Variants in CMKLR2 observed in about 807,000 individuals in gnomAD.
CMKLR2 encodes chemerin chemokine-like receptor 2, also known as chemerin-like receptor 2.
In CMKLR2, 18 loss-of-function variants were observed where a neutral mutation model predicts 23.0. The observed-to-expected ratio is 0.78, with a 90% confidence interval of 0.54 to 1.16. The LOEUF is 1.16. CMKLR2 is among the 50% of genes most tolerant of loss of function. The probability of loss-of-function intolerance (pLI) is 0.00; values close to 1 mark genes in which losing one functional copy is unlikely to be tolerated. For missense variants in CMKLR2, 401 were observed against 412.7 expected, an observed-to-expected ratio of 0.97 and a Z score of 0.25; for synonymous variants, 158 against 158.9, an observed-to-expected ratio of 0.99 and a Z score of 0.05.
chr2:206,176,793 T>C lies in CMKLR2; in HGVS notation c.455A>G (p.Lys152Arg), dbSNP rs762062191. 2 of 1,614,112 alleles carry C rather than the reference T, an allele frequency of 1.2e-6. No homozygotes were observed. Among genetic ancestry groups the C allele is most frequent in the Admixed American group, 3.3e-5 (2 of 60,004 alleles). Residue 152 changes from lysine (K) to arginine (R), a missense_variant, in exon 2 of 2, where the codon AAG becomes AGG. By Grantham distance (26) the Lys-to-Arg change is conservative (BLOSUM62 2). Transcript: ENST00000621141. ...GAATATAATGACAATCAGAGAGTTC[T>C]TGAGGGTTCGATGCCGATGAGATAA... ...PVLSHRHRTL[K>R]NSLIVIIFIW...
Position 206,175,946 on chromosome 2 carries a change from C to T in CMKLR2, c.*234G>A. 1 of 376,686 alleles carries T rather than the reference C, an allele frequency of 2.7e-6. No homozygotes were observed. 23.3% of individuals were successfully genotyped at this position (376,686 alleles called of 1,614,324 possible). A position where few individuals can be genotyped will look rare whatever the true frequency, so the allele number is the denominator to read the frequency against. ...AGTTGCAGAAAAAAATTATGCGGAT[C>T]CTTCCTAAGTATTTTCAGTTTTTTA... On this transcript the variant is annotated 3_prime_UTR_variant, in exon 2 of 2. Coordinates refer to ENST00000621141, the MANE Select transcript of CMKLR2 (RefSeq NM_001389445.1).
At chr2:206,217,485 G>A (rs142633727), upstream of CMKLR2, 303 of 152,302 alleles carry the variant, frequency 2.0e-3, 4 homozygotes, top group African/African-American at 7.0e-3. Context: ...ACGAAGCCTT[G>A]TCTAGATTCT....
intron 1 of CMKLR2, among the ~76,000 whole-genome samples, chr2:206,212,924 A>C (rs1035417202): frequency 6.6e-5 from 10 of 152,220 alleles, no homozygotes; most frequent in Non-Finnish European, 1.2e-4. Context: ...TGAGCCTTCC[A>C]CAAATGATGT....
chr2:206,177,278 G>C lies in CMKLR2; in HGVS notation c.-28-3C>G, dbSNP rs1318931389. 27 of 1,337,978 alleles carry C rather than the reference G, an allele frequency of 2.0e-5. No homozygotes were observed. Among genetic ancestry groups the C allele is most frequent in the Non-Finnish European group, 2.7e-5 (26 of 974,826 alleles). The allele number at this position is 1,337,978 out of a possible 1,614,324, so 82.9% of individuals were successfully genotyped here. ...TGCTAAATGGAGAATGAAGAAATCT[G>C]TAGAAGCAAATTTAAAAAGAAAGAA... On this transcript the variant is annotated splice_polypyrimidine_tract_variant and splice_region_variant and intron_variant, in intron 1 of 1. Transcript: ENST00000621141.
chr2:206,177,370 T>C, intron 1 of CMKLR2, 95 bp from the exon 2 acceptor site: 2 of 642,434 alleles, frequency 3.1e-6, no homozygotes, highest in Non-Finnish European at 5.4e-6. Flanking sequence ...ATATTTCAGG[T>C]TATGGACCAG....
At chr2:206,206,917 C>CT (rs66681603) in intron 1 of CMKLR2, among the ~76,000 whole-genome samples, 11,915 of 125,986 alleles carry the variant, frequency 0.095, 781 homozygotes, top group Admixed American at 0.19. Context: ...CCCCCTGCCC[C>CT]TTTTTTTTTT....
chr2:206,192,081 G>A (rs1688767436), intron 1 of CMKLR2, among the ~76,000 whole-genome samples: 1 of 151,116 alleles, frequency 6.6e-6, no homozygotes. Flanking sequence ...CTGACCTCGT[G>A]ATTTTCCCAC....
At chr2:206,214,109 C>T (rs1441207105), upstream of CMKLR2, among the ~76,000 whole-genome samples, 3 of 150,116 alleles carry the variant, frequency 2.0e-5, no homozygotes, top group Admixed American at 1.4e-4. Context: ...CCGCCTCAGT[C>T]TCCCAAAGTG....
At chr2:206,197,368 T>G (rs1172524250) in intron 1 of CMKLR2, among the ~76,000 whole-genome samples, 1 of 152,232 alleles carries the variant, frequency 6.6e-6, no homozygotes, top group African/African-American at 2.4e-5. Context: ...CTAGGTTTTT[T>G]TCTTCTGGGT....
chr2:206,191,921 A>G, intron 1 of CMKLR2, among the ~76,000 whole-genome samples: 1 of 149,098 alleles, frequency 6.7e-6, no homozygotes, highest in Middle Eastern at 3.2e-3. Context: ...GTTCACTGCA[A>G]CCTCTGCCTC....
chr2:206,184,884 AG>A (rs147809848), intron 1 of CMKLR2, among the ~76,000 whole-genome samples: 17,078 of 152,222 alleles, frequency 0.11, 1,247 homozygotes, highest in Non-Finnish European at 0.16. Flanking sequence ...ATAGTAAAAA[AG>A]TAATATTATA....
chr2:206,189,289 C>G (rs1688676712), intron 1 of CMKLR2, among the ~76,000 whole-genome samples: 1 of 152,156 alleles, frequency 6.6e-6, no homozygotes, highest in Admixed American at 6.6e-5. Flanking sequence ...CCTGTTAACA[C>G]CACAGGGGCC....
At chr2:206,211,979 C>G (rs914197693) in intron 1 of CMKLR2, among the ~76,000 whole-genome samples, 5 of 152,028 alleles carry the variant, frequency 3.3e-5, no homozygotes, top group African/African-American at 4.8e-5. Context: ...TTTGTTTTCT[C>G]TTGCTAATCT....
At chr2:206,206,917 C>CTTT (rs66681603) in intron 1 of CMKLR2, among the ~76,000 whole-genome samples, 93,216 of 125,784 alleles carry the variant, frequency 0.74, 35,167 homozygotes, top group Non-Finnish European at 0.8. Flanking sequence ...CCCCCTGCCC[C>CTTT]TTTTTTTTTT....
At chr2:206,199,466 C>T (rs895169625) in intron 1 of CMKLR2, among the ~76,000 whole-genome samples, 15 of 151,920 alleles carry the variant, frequency 9.9e-5, no homozygotes, top group African/African-American at 3.6e-4. Context: ...GAAAGAATGC[C>T]GGGAGGGAAA....
At chr2:206,194,047 G>T (rs1165542743) in intron 1 of CMKLR2, among the ~76,000 whole-genome samples, 1 of 152,152 alleles carries the variant, frequency 6.6e-6, no homozygotes, top group African/African-American at 2.4e-5. Context: ...GAAAGAGAAG[G>T]CTTTCTCCTA....
intron 1 of CMKLR2, among the ~76,000 whole-genome samples, chr2:206,197,919 T>C (rs1688971296): frequency 6.6e-6 from 1 of 152,184 alleles, no homozygotes. Flanking sequence ...CAATACACTG[T>C]TGTGCACAAA....
intron 1 of CMKLR2, among the ~76,000 whole-genome samples, chr2:206,195,986 C>T (rs925902906): frequency 1.3e-5 from 2 of 152,032 alleles, no homozygotes; most frequent in African/African-American, 4.8e-5. Context: ...ACCCCAAAAA[C>T]TATTCAGTGG....
At chr2:206,197,768 A>G (rs1688966679) in intron 1 of CMKLR2, among the ~76,000 whole-genome samples, 1 of 152,110 alleles carries the variant, frequency 6.6e-6, no homozygotes, top group Admixed American at 6.6e-5. Flanking sequence ...AGCTCAAGCA[A>G]TCCTTCCACC....
Sources: gnomAD v4.1 joint callset for allele counts (sites outside exome capture counted in the v4.1 genomes callset) on GRCh38, gnomAD v4.1.1 for gene constraint, MANE v1.5 for transcripts, NCBI Gene and HGNC (gene_info 2026-07-23, HGNC 2026-07-21) for gene names.